The following MAML2 variants were observed in gnomAD, a reference collection of about 807,000 sequenced individuals.
MAML2 encodes the protein mastermind-like protein 2.
A neutral mutation model predicts 96.1 loss-of-function variants in MAML2; 22 were observed. The observed-to-expected ratio is 0.23, with a 90% CI of 0.16 to 0.33. The LOEUF (loss-of-function observed/expected upper bound fraction) is 0.33. Ranked by LOEUF, MAML2 falls within the 10% of genes least tolerant of loss-of-function variation. The pLI is 1.00. For synonymous variants in MAML2, 561 were observed against 521.3 expected (o/e 1.08, Z -1.04); for missense variants, 1,367 against 1,392.4 (o/e 0.98, Z 0.29).
At chr11:96,286,328 G>C (rs575294131) in intron 1 of MAML2, among the ~76,000 whole-genome samples, 1 of 152,278 alleles carries the variant, frequency 6.6e-6, no homozygotes, top group African/African-American at 2.4e-5. Flanking sequence ...CTGTCGGAGG[G>C]AGCAGGGGGA....
intron 1 of MAML2, among the ~76,000 whole-genome samples, chr11:96,280,695 A>AG (rs1439418808): frequency 6.6e-6 from 1 of 152,224 alleles, no homozygotes; most frequent in Non-Finnish European, 1.5e-5. Context: ...ACCACACAAT[A>AG]GCCAGGGTGC....
intron 1 of MAML2, among the ~76,000 whole-genome samples, chr11:96,279,322 G>A (rs1035600454): frequency 2.0e-5 from 3 of 152,174 alleles, no homozygotes; most frequent in Non-Finnish European, 2.9e-5. Flanking sequence ...TAATATTTTC[G>A]TTATAAGGAG....
At chr11:96,330,017 G>C (rs1863832612) in intron 1 of MAML2, among the ~76,000 whole-genome samples, 1 of 152,228 alleles carries the variant, frequency 6.6e-6, no homozygotes, top group Non-Finnish European at 1.5e-5. Flanking sequence ...TACAAAGGGA[G>C]TGACATCTTT....
At chr11:96,164,095 C>T (rs558582840) in intron 1 of MAML2, among the ~76,000 whole-genome samples, 3 of 151,932 alleles carry the variant, frequency 2.0e-5, no homozygotes, top group South Asian at 2.1e-4. Flanking sequence ...AAGCTGGTCT[C>T]GAACTCCTGA....
rs1446955817 is a variant in MAML2 at position 96,073,437 on chromosome 11, C to T, written c.2139+18455G>A. Among the ~76,000 whole-genome samples the T allele has an allele frequency of 2.6e-5, 4 of 151,712 alleles. No homozygotes were observed. In the East Asian group the frequency reaches 5.8e-4, roughly 22 times the overall value. ...TCGGATTCACACCATTCTCCTGCCT[C>T]AGCCTCCCAAGTAGCTGGGACTACA... On this transcript the variant is annotated intron_variant, in intron 2 of 4. Coordinates refer to ENST00000524717, the MANE Select transcript of MAML2 (RefSeq NM_032427.4).
At chr11:96,268,732 G>C (rs780135955) in intron 1 of MAML2, among the ~76,000 whole-genome samples, 1 of 152,008 alleles carries the variant, frequency 6.6e-6, no homozygotes, top group African/African-American at 2.4e-5. Flanking sequence ...TAAGTCTCAC[G>C]AGATCTGATG....
chr11:96,303,699 T>C (rs377191235), intron 1 of MAML2, among the ~76,000 whole-genome samples: 26 of 151,988 alleles, frequency 1.7e-4, no homozygotes, highest in East Asian at 7.7e-4. Context: ...ACACAATGAG[T>C]GTCCAGCAAG....
At chr11:96,052,474 T>C (rs989494853) in intron 2 of MAML2, among the ~76,000 whole-genome samples, 1 of 152,194 alleles carries the variant, frequency 6.6e-6, no homozygotes, top group Non-Finnish European at 1.5e-5. Flanking sequence ...ACTCTCCTCT[T>C]TGTCACACTC....
Position 95,991,529 on chromosome 11 carries a change from C to T in MAML2, c.2334G>A (p.Leu778=). 1 of 1,613,690 alleles carries T rather than the reference C, an allele frequency of 6.2e-7. No homozygotes were observed. The highest frequency in any genetic ancestry group is 1.7e-4 in the Middle Eastern group (1 of 6,052). The change falls in exon 3 of 5, where the codon CTG becomes CTA. Residue 778 remains leucine, a synonymous_variant. Coordinates refer to ENST00000524717, the MANE Select transcript of MAML2 (RefSeq NM_032427.4). The part of the protein sequence containing the change: ...KQQLLLQQQM[L]ADAEKIAPQD... Reference sequence around the variant, plus strand: ...TAAGAGAAAGTTTTACCGCGTCAGCCAGCATCTGCTGCTGGAGAAGAAGTT... The same window carrying T: ...TAAGAGAAAGTTTTACCGCGTCAGCTAGCATCTGCTGCTGGAGAAGAAGTT...
Position 96,275,264 on chromosome 11 carries a change from A to G in MAML2, c.513+66119T>C, listed in dbSNP as rs111379439. On this transcript the variant is annotated intron_variant, in intron 1 of 4. Coordinates refer to ENST00000524717, the MANE Select transcript of MAML2 (RefSeq NM_032427.4). ...GCATTTTCTTCTTTATCCAAACACT[A>G]AGGAATTTTTTTTTTTTTTTTTTTT... is the stretch of plus-strand genomic sequence containing the variant. 5.4e-3 allele frequency among the ~76,000 whole-genome samples: 809 copies of G among 148,538 alleles called. 12 individuals carry two copies. The highest frequency in any genetic ancestry group is 0.019 in the African/African-American group (769 of 39,716).
At chr11:96,271,023 C>T (rs553218948) in intron 1 of MAML2, among the ~76,000 whole-genome samples, 5 of 152,266 alleles carry the variant, frequency 3.3e-5, no homozygotes, top group East Asian at 1.9e-4. Context: ...TTCCTGCCCT[C>T]GAACATCAGA....
At chr11:96,259,717 G>A (rs986162193) in intron 1 of MAML2, among the ~76,000 whole-genome samples, 2 of 152,174 alleles carry the variant, frequency 1.3e-5, no homozygotes, top group African/African-American at 4.8e-5. Flanking sequence ...TCTCGATGTG[G>A]ACCAGCTTAC....
At chr11:96,152,762 G>A (rs1860944299) in intron 1 of MAML2, among the ~76,000 whole-genome samples, 1 of 152,198 alleles carries the variant, frequency 6.6e-6, no homozygotes. Context: ...GTAAAAGAAG[G>A]AGAGGAGTTT....
At chr11:96,340,969 C>G (rs1248783837) in intron 1 of MAML2, among the ~76,000 whole-genome samples, 2 of 152,058 alleles carry the variant, frequency 1.3e-5, no homozygotes, top group Non-Finnish European at 2.9e-5. Context: ...TTAATAAAGG[C>G]CAGCTGGGCT....
intron 1 of MAML2, among the ~76,000 whole-genome samples, chr11:96,250,838 A>G (rs978733285): frequency 1.3e-5 from 2 of 152,214 alleles, no homozygotes; most frequent in Non-Finnish European, 2.9e-5. Flanking sequence ...TTTGGTGATA[A>G]TGACATTACA....
chr11:96,159,407 C>T (rs11607539), intron 1 of MAML2, among the ~76,000 whole-genome samples: 45,305 of 91,062 alleles, frequency 0.5, 11,588 homozygotes, highest in Middle Eastern at 0.6. Context: ...ACCACTGATT[C>T]TTTTTTTTTT....
chr11:96,063,591 T>A (rs1037588330), intron 2 of MAML2, among the ~76,000 whole-genome samples: 2 of 152,182 alleles, frequency 1.3e-5, no homozygotes, highest in African/African-American at 4.8e-5. Context: ...ACCCATAATA[T>A]GTAATATTAC....
Position 95,977,424 on chromosome 11 carries a change from AT to A in MAML2, c.*1523del, listed in dbSNP as rs1284510191. ...AAAGACTGGGAGACAGCTTTGCAGA[AT>A]TTTCAAAGTGTGTTCTTTTTCTTTG... On this transcript the variant is annotated 3_prime_UTR_variant, in exon 5 of 5. Transcript: ENST00000524717. 1 of 189,924 alleles carries A rather than the reference AT, an allele frequency of 5.3e-6. No homozygotes were observed. The highest frequency in any genetic ancestry group is 2.3e-5 in the African/African-American group (1 of 42,948). The allele number at this position is 189,924 out of a possible 1,614,324, so 11.8% of individuals were successfully genotyped here. A position where few individuals can be genotyped will look rare whatever the true frequency, so the allele number is the denominator to read the frequency against.
At chr11:96,041,728 A>T (rs1858814092) in intron 2 of MAML2, among the ~76,000 whole-genome samples, 2 of 144,992 alleles carry the variant, frequency 1.4e-5, no homozygotes, top group East Asian at 2.0e-4. Context: ...GGAGTGAGTG[A>T]TTTTTTTTTT....
Sources: gnomAD v4.1 joint callset for allele counts (sites outside exome capture counted in the v4.1 genomes callset) on GRCh38, gnomAD v4.1.1 for gene constraint, MANE v1.5 for transcripts, NCBI Gene and HGNC (gene_info 2026-07-23, HGNC 2026-07-21) for gene names.